EPN2: variants seen among roughly 807,000 people sequenced by gnomAD.
EPN2 encodes epsin 2.
A neutral mutation model predicts 61.7 loss-of-function variants in EPN2; 34 were observed. The observed-to-expected ratio is 0.55, with a 90% confidence interval of 0.42 to 0.73. EPN2 has a LOEUF of 0.73. EPN2 is among the 30% of genes least tolerant of loss of function. The probability of loss-of-function intolerance (pLI) is 0.00; values close to 1 mark genes in which losing one functional copy is unlikely to be tolerated. For missense variants in EPN2, 714 were observed against 839.2 expected (o/e 0.85, Z 1.84); for synonymous variants, 349 against 353.6 (o/e 0.99, Z 0.15).
intron 4 of EPN2, chr17:19,296,794 A>T (rs1300351314): frequency 6.6e-6 from 1 of 152,198 alleles, no homozygotes; most frequent in Admixed American, 6.5e-5. Context: ...TTTTTAGTAG[A>T]GACGAGGTCT....
intron 1 of EPN2, among the ~76,000 whole-genome samples, chr17:19,256,654 A>G (rs2045083214): frequency 6.6e-6 from 1 of 152,028 alleles, no homozygotes; most frequent in African/African-American, 2.4e-5. Context: ...ACCCCGTGGG[A>G]AAGCTCTGAG....
chr17:19,311,634 A>G (rs2152231913), intron 5 of EPN2, among the ~76,000 whole-genome samples: 1 of 152,338 alleles, frequency 6.6e-6, no homozygotes, highest in East Asian at 1.9e-4. Flanking sequence ...AAGCATACAC[A>G]GTGGAGGTGG....
Position 19,280,547 on chromosome 17 carries a change from T to C in EPN2, c.-293-1408T>C, listed in dbSNP as rs578128802. ...GTGGCTTCAGATAGAGTCAGATTCCTTGACATATTTGAGGATGGAGAGAAG... is the reference window on the plus strand; with the variant it reads ...GTGGCTTCAGATAGAGTCAGATTCCCTGACATATTTGAGGATGGAGAGAAG... On this transcript the variant is annotated intron_variant, in intron 1 of 10. Transcript: ENST00000314728. 2.4e-3 allele frequency among the ~76,000 whole-genome samples: 361 copies of C among 152,348 alleles called. 5 individuals carry two copies. Among genetic ancestry groups the C allele is most frequent in the Non-Finnish European group, 4.4e-3 (301 of 68,028 alleles).
At chr17:19,303,624 C>A (rs1294866761) in intron 4 of EPN2, among the ~76,000 whole-genome samples, 1 of 152,212 alleles carries the variant, frequency 6.6e-6, no homozygotes. Context: ...ACAGGCAGCC[C>A]TCCCACCACC....
At chr17:19,288,842 A>C (rs888246675) in intron 4 of EPN2, among the ~76,000 whole-genome samples, 2 of 152,126 alleles carry the variant, frequency 1.3e-5, no homozygotes, top group South Asian at 4.1e-4. Context: ...CAGACCATGC[A>C]CTCAGTGGCC....
intron 4 of EPN2, among the ~76,000 whole-genome samples, chr17:19,286,973 A>G (rs2045411393): frequency 6.6e-6 from 1 of 152,178 alleles, no homozygotes; most frequent in African/African-American, 2.4e-5. Context: ...GGAACTCTCC[A>G]TGGAGTTCCC....
intron 4 of EPN2, among the ~76,000 whole-genome samples, chr17:19,297,652 A>T (rs533321857): frequency 6.6e-6 from 1 of 152,278 alleles, no homozygotes; most frequent in African/African-American, 2.4e-5. Context: ...GAGCTGCTGT[A>T]GCCCTTCACT....
intron 4 of EPN2, among the ~76,000 whole-genome samples, chr17:19,298,716 C>T (rs553978766): frequency 6.6e-6 from 1 of 152,220 alleles, no homozygotes; most frequent in Non-Finnish European, 1.5e-5. Context: ...CTTAATTTAA[C>T]TTGGAGAAGT....
chr17:19,318,599 T>C (rs1260818670), intron 7 of EPN2, among the ~76,000 whole-genome samples: 1 of 138,710 alleles, frequency 7.2e-6, no homozygotes, highest in Non-Finnish European at 1.6e-5. Flanking sequence ...CCAAAACTTG[T>C]AGTTTCAACA....
chr17:19,318,531 C>T (rs1482646600), intron 7 of EPN2, among the ~76,000 whole-genome samples: 2 of 24,386 alleles, frequency 8.2e-5, no homozygotes, highest in Middle Eastern at 0.083. Context: ...GCGTGGGCAA[C>T]AGAGCGAGAC....
chr17:19,315,617 G>A (rs565552868), intron 7 of EPN2, among the ~76,000 whole-genome samples: 32 of 152,164 alleles, frequency 2.1e-4, no homozygotes, highest in Admixed American at 8.5e-4. Flanking sequence ...CTCCTGAGTA[G>A]CTGGGATTAC....
intron 1 of EPN2, among the ~76,000 whole-genome samples, chr17:19,263,061 A>T (rs1428864933): frequency 6.6e-6 from 1 of 152,220 alleles, no homozygotes; most frequent in Non-Finnish European, 1.5e-5. Context: ...GTCCCTGTGT[A>T]GACATGCTTT....
At chr17:19,316,993 G>A (rs369273546) in intron 7 of EPN2, among the ~76,000 whole-genome samples, 2 of 152,362 alleles carry the variant, frequency 1.3e-5, no homozygotes, top group South Asian at 2.1e-4. Flanking sequence ...GAGCAAGAGT[G>A]TGGTATTGGA....
At chr17:19,249,066 C>T (rs1227495764) in intron 1 of EPN2, among the ~76,000 whole-genome samples, 1 of 152,220 alleles carries the variant, frequency 6.6e-6, no homozygotes, top group Non-Finnish European at 1.5e-5. Flanking sequence ...TGACCAGACT[C>T]TCCAGGCAGG....
At chr17:19,295,366 A>ACACGCGCGCGCGCGCGCGCG (rs147719775) in intron 4 of EPN2, among the ~76,000 whole-genome samples, 1 of 140,318 alleles carries the variant, frequency 7.1e-6, no homozygotes, top group African/African-American at 2.8e-5. Context: ...ACACACACAC[A>ACACGCGCGCGCGCGCGCGCG]CGCGCGTGCG....
intron 1 of EPN2, among the ~76,000 whole-genome samples, chr17:19,242,553 G>A (rs973992327): frequency 3.3e-5 from 5 of 152,158 alleles, no homozygotes; most frequent in South Asian, 2.1e-4. Context: ...AGCCTGCTTC[G>A]TTCCTGGGCA....
chr17:19,267,643 A>G (rs892749510), intron 1 of EPN2, among the ~76,000 whole-genome samples: 2 of 151,910 alleles, frequency 1.3e-5, no homozygotes, highest in Admixed American at 6.6e-5. Context: ...CCCGGGTTCA[A>G]GCGATTCTCC....
intron 7 of EPN2, among the ~76,000 whole-genome samples, chr17:19,326,389 T>C (rs908666243): frequency 1.3e-5 from 2 of 152,002 alleles, no homozygotes. Flanking sequence ...GTGAGGATAA[T>C]TAAGAAGGTG....
chr17:19,239,410 C>T (rs2044857923), intron 1 of EPN2, among the ~76,000 whole-genome samples: 1 of 152,226 alleles, frequency 6.6e-6, no homozygotes, highest in African/African-American at 2.4e-5. Context: ...CCTCGGCCTC[C>T]CAAAGTGCTG....
Sources: gnomAD v4.1 joint callset for allele counts (sites outside exome capture counted in the v4.1 genomes callset) on GRCh38, gnomAD v4.1.1 for gene constraint, MANE v1.5 for transcripts, NCBI Gene and HGNC (gene_info 2026-07-23, HGNC 2026-07-21) for gene names.